Variants in TMEM169 observed in about 807,000 individuals in gnomAD.
TMEM169 encodes the protein transmembrane protein 169.
A neutral mutation model predicts 27.3 loss-of-function variants in TMEM169; 18 were observed. That is an observed-to-expected ratio of 0.66 (90% CI 0.46 to 0.98). The LOEUF is 0.98. Ranked by LOEUF, TMEM169 falls within the 50% of genes least tolerant of loss-of-function variation. TMEM169 has a pLI of 0.00. For synonymous variants in TMEM169, 136 were observed against 142.1 expected (o/e 0.96, Z 0.30); for missense variants, 320 against 368.6 (o/e 0.87, Z 1.08).
At chr2:216,087,222 A>C (rs1696022592) in intron 1 of TMEM169, among the ~76,000 whole-genome samples, 1 of 152,244 alleles carries the variant, frequency 6.6e-6, no homozygotes, top group Non-Finnish European at 1.5e-5. Flanking sequence ...GCAAATACGG[A>C]GAGCCTCAAA....
intron 1 of TMEM169, among the ~76,000 whole-genome samples, chr2:216,084,575 A>G (rs1695954750): frequency 6.6e-6 from 1 of 152,240 alleles, no homozygotes; most frequent in South Asian, 2.1e-4. Flanking sequence ...TAAAAGAAAA[A>G]TAAATAATGA....
chr2:216,088,226 G>A (rs550741616), intron 1 of TMEM169, among the ~76,000 whole-genome samples: 19 of 151,902 alleles, frequency 1.3e-4, no homozygotes, highest in Non-Finnish European at 2.2e-4. Context: ...TTGGGAGACC[G>A]AGGCGGGCAG....
At position 216,100,636 on chromosome 2, in the gene TMEM169, C is replaced by T; in HGVS notation, c.*94C>T. Reference sequence around the variant, plus strand: ...ATTTCTTTAAATTACCCCCTACTCTCCGCAGTTCTTCTGGGAAATCAGAGT... The same window carrying T: ...ATTTCTTTAAATTACCCCCTACTCTTCGCAGTTCTTCTGGGAAATCAGAGT... On this transcript the variant is annotated 3_prime_UTR_variant, in exon 3 of 3. Transcript: ENST00000437356. 5 of 1,530,620 alleles carry T rather than the reference C, an allele frequency of 3.3e-6. No individual in the cohort carries two copies. The highest frequency in any genetic ancestry group is 4.4e-6 in the Non-Finnish European group (5 of 1,125,632). 94.8% of individuals were successfully genotyped at this position (1,530,620 alleles called of 1,614,324 possible). A position where few individuals can be genotyped will look rare whatever the true frequency, so the allele number is the denominator to read the frequency against.
intron 1 of TMEM169, 72 bp downstream of exon 1, chr2:216,082,051 AAAAG>A (rs1424663651): frequency 2.2e-4 from 79 of 351,218 alleles, no homozygotes; most frequent in Non-Finnish European, 3.5e-4. Context: ...CAAAAAAAAA[AAAAG>A]AAGAAGAAAG....
At chr2:216,090,182 A>G (rs1013480153) in intron 1 of TMEM169, among the ~76,000 whole-genome samples, 1 of 152,210 alleles carries the variant, frequency 6.6e-6, no homozygotes, top group Non-Finnish European at 1.5e-5. Context: ...GTGGCAAGGT[A>G]AAGTTATTTT....
At chr2:216,091,237 G>T (rs920040170) in intron 1 of TMEM169, among the ~76,000 whole-genome samples, 5 of 152,206 alleles carry the variant, frequency 3.3e-5, no homozygotes, top group Non-Finnish European at 7.3e-5. Context: ...TGTCATGACG[G>T]TGGAGTCCTC....
chr2:216,100,495 C>G lies in TMEM169; in HGVS notation c.847C>G (p.Leu283Val), dbSNP rs1281989660. The change falls in exon 3 of 3, where the codon CTC becomes GTC. Residue 283 changes from leucine (L) to valine (V), a missense_variant. Coordinates refer to ENST00000437356, the MANE Select transcript of TMEM169 (RefSeq NM_001142311.2). ...LLESDNISST[L>V]SNKDPIQEVE... ...TGAATCCGACAATATCTCAAGCACT[C>G]TCTCCAACAAGGACCCCATCCAAGA... 1.3e-5 allele frequency: 21 copies of G among 1,614,138 alleles called. No individual in the cohort carries two copies. In the East Asian group the frequency reaches 1.6e-4, roughly 12 times the overall value.
rs1574425662 is a variant in TMEM169, at chr2:216,081,927, T to C, written c.-179T>C. ...CCGCATCCTCCCGGAGCAGAACCGC[T>C]CCCCGCCGGCTGTCCGCAACCTCCG... On this transcript the variant is annotated 5_prime_UTR_variant, in exon 1 of 3. Transcript: ENST00000437356. The C allele has an allele frequency of 1.6e-6, 1 of 621,984 alleles. No homozygotes were observed. The highest frequency in any genetic ancestry group is 2.7e-6 in the Non-Finnish European group (1 of 373,310). 38.5% of individuals were successfully genotyped at this position (621,984 alleles called of 1,614,324 possible).
intron 1 of TMEM169, among the ~76,000 whole-genome samples, chr2:216,088,982 TA>T (rs1474864549): frequency 6.6e-6 from 1 of 152,224 alleles, no homozygotes; most frequent in Non-Finnish European, 1.5e-5. Context: ...GTTCTTGGCA[TA>T]GAAGTGGTCC....
intron 1 of TMEM169, among the ~76,000 whole-genome samples, chr2:216,087,208 G>A (rs1696021968): frequency 6.6e-6 from 1 of 152,152 alleles, no homozygotes; most frequent in Admixed American, 6.6e-5. Flanking sequence ...TCCTAGGGTG[G>A]GGTGCAAATA....
intron 1 of TMEM169, among the ~76,000 whole-genome samples, chr2:216,087,283 A>G (rs1017535468): frequency 9.2e-5 from 14 of 152,224 alleles, no homozygotes; most frequent in African/African-American, 3.4e-4. Context: ...AAGACAAAAT[A>G]AAAATATTGT....
intron 1 of TMEM169, among the ~76,000 whole-genome samples, chr2:216,093,127 TGTG>T (rs1163153829): frequency 7.3e-5 from 2 of 27,270 alleles, no homozygotes; most frequent in Admixed American, 5.7e-4. Context: ...AATAATGAAG[TGTG>T]TGTGTGTGTG....
chr2:216,094,536 C>G (rs940247922), intron 1 of TMEM169, among the ~76,000 whole-genome samples: 7 of 152,094 alleles, frequency 4.6e-5, no homozygotes, highest in Admixed American at 3.9e-4. Flanking sequence ...AAGAGTCAAC[C>G]AGACATTAGG....
intron 1 of TMEM169, 41 bp downstream of exon 1, chr2:216,082,020 G>T: frequency 2.2e-6 from 1 of 453,716 alleles, no homozygotes; most frequent in Non-Finnish European, 3.9e-6. Context: ...CGATGCCATT[G>T]GGGAGGGTGG....
rs748934458 is a variant in TMEM169 at position 216,096,047 on chromosome 2, C to T, written c.84C>T (p.Ala28=). The change falls in exon 2 of 3, where the codon GCC becomes GCT. Residue 28 remains alanine, a synonymous_variant. Transcript: ENST00000437356. The stretch of plus-strand genomic sequence containing the variant: ...CTCTCAGGAAGGCTGTGGCTGCTGC[C>T]CTGGCGCTGGATGGGGAATCCACAA... The part of the protein sequence containing the change: ...QGSLRKAVAA[A]LALDGESTMG... The T allele has an allele frequency of 6.9e-5, 112 of 1,614,032 alleles. No individual in the cohort carries two copies. Among genetic ancestry groups the T allele is most frequent in the South Asian group, 5.7e-4 (52 of 91,084 alleles).
At position 216,100,532 on chromosome 2, in the gene TMEM169, C is replaced by T. The variant is rs375504102; in HGVS notation, c.884C>T (p.Ser295Phe). ...GACCCCATCCAAGAAGTAGAAACCTCCACGGTCTAAACTCCCAACAACTTA... is the reference window on the plus strand; with the variant it reads ...GACCCCATCCAAGAAGTAGAAACCTTCACGGTCTAAACTCCCAACAACTTA... ...NKDPIQEVET[S>F]TV The change falls in exon 3 of 3, where the codon TCC (serine) becomes TTC (phenylalanine). Residue 295 changes from serine to phenylalanine, a missense_variant. Physicochemically the swap from Ser to Phe is radical, Grantham distance 155 (BLOSUM62 -2). Transcript: ENST00000437356. 1 of 1,614,104 alleles carries T rather than the reference C, an allele frequency of 6.2e-7. No individual in the cohort carries two copies. The highest frequency in any genetic ancestry group is 1.3e-5 in the African/African-American group (1 of 75,006).
chr2:216,083,979 G>A (rs1237946582), intron 1 of TMEM169, among the ~76,000 whole-genome samples: 1 of 152,126 alleles, frequency 6.6e-6, no homozygotes, highest in African/African-American at 2.4e-5. Flanking sequence ...TCTTCCGAAG[G>A]CAACCACGCC....
intron 1 of TMEM169, among the ~76,000 whole-genome samples, chr2:216,089,871 T>TG (rs1475321202): frequency 1.1e-4 from 17 of 152,206 alleles, no homozygotes; most frequent in Non-Finnish European, 2.4e-4. Flanking sequence ...AGGTCAAGTG[T>TG]GGAAAATAAG....
chr2:216,083,226 A>G (rs1421877301), intron 1 of TMEM169, among the ~76,000 whole-genome samples: 2 of 152,242 alleles, frequency 1.3e-5, no homozygotes, highest in Non-Finnish European at 2.9e-5. Flanking sequence ...ACTTAAGTCA[A>G]TTCTGTAGTT....
Sources: gnomAD v4.1 joint callset for allele counts (sites outside exome capture counted in the v4.1 genomes callset) on GRCh38, gnomAD v4.1.1 for gene constraint, MANE v1.5 for transcripts, NCBI Gene and HGNC (gene_info 2026-07-23, HGNC 2026-07-21) for gene names.